Variants in DCHS2 observed in about 807,000 individuals in gnomAD.
The protein encoded by DCHS2 is protocadherin-23.
A neutral mutation model predicts 182.4 loss-of-function variants in DCHS2; 142 were observed. That is an observed-to-expected ratio of 0.78 (90% CI 0.68 to 0.89). DCHS2 has a LOEUF of 0.89. Ranked by LOEUF, DCHS2 falls within the 40% of genes least tolerant of loss-of-function variation. The pLI is 0.00. For synonymous variants in DCHS2, 1,740 were observed against 1,663.3 expected, an observed-to-expected ratio of 1.05 and a Z score of -1.12; for missense variants, 4,319 against 4,198.6, an observed-to-expected ratio of 1.03 and a Z score of -0.79.
At chr4:154,357,355 GAGC>G (rs1364730829) in intron 3 of DCHS2, 1 of 1,468,394 alleles carries the variant, frequency 6.8e-7, no homozygotes. Context: ...AGGCTGGTGG[GAGC>G]AGGGAAAAGC....
chr4:154,374,831 G>A (rs1167617984), intron 2 of DCHS2, among the ~76,000 whole-genome samples: 1 of 152,048 alleles, frequency 6.6e-6, no homozygotes, highest in Non-Finnish European at 1.5e-5. Context: ...AAATGTATAA[G>A]TGAAAAATAT....
chr4:154,459,374 G>A (rs957774489), intron 1 of DCHS2, among the ~76,000 whole-genome samples: 3 of 151,668 alleles, frequency 2.0e-5, no homozygotes, highest in South Asian at 2.1e-4. Flanking sequence ...GGAATTTTAC[G>A]TTTCATTAAA....
chr4:154,280,764 A>T (rs1734093064), intron 13 of DCHS2, among the ~76,000 whole-genome samples: 1 of 151,834 alleles, frequency 6.6e-6, no homozygotes, highest in African/African-American at 2.4e-5. Flanking sequence ...CTAACACAAC[A>T]CTCAACAGTG....
At chr4:154,428,006 G>A (rs17373494) in intron 1 of DCHS2, among the ~76,000 whole-genome samples, 43,954 of 152,012 alleles carry the variant, frequency 0.29, 7,917 homozygotes, top group East Asian at 0.68. Context: ...CTGGAGATGC[G>A]GTCTGGAGCC....
chr4:154,468,730 T>C (rs1735337310), intron 1 of DCHS2, among the ~76,000 whole-genome samples: 1 of 152,214 alleles, frequency 6.6e-6, no homozygotes, highest in Non-Finnish European at 1.5e-5. Context: ...TGATTCCTTC[T>C]CTGAATACCA....
At chr4:154,277,038 C>A (rs1485814857) in intron 13 of DCHS2, among the ~76,000 whole-genome samples, 1 of 152,104 alleles carries the variant, frequency 6.6e-6, no homozygotes, top group African/African-American at 2.4e-5. Flanking sequence ...CATCTTTATT[C>A]TTTTCTATGC....
chr4:154,469,001 C>T (rs1185541284), intron 1 of DCHS2, among the ~76,000 whole-genome samples: 1 of 152,062 alleles, frequency 6.6e-6, no homozygotes, highest in Non-Finnish European at 1.5e-5. Context: ...CATTTCACAA[C>T]TTACATATAT....
At chr4:154,385,607 C>T in intron 1 of DCHS2, among the ~76,000 whole-genome samples, 1 of 152,070 alleles carries the variant, frequency 6.6e-6, no homozygotes, top group East Asian at 1.9e-4. Context: ...CCTGACTTAG[C>T]CTCCCAAGTG....
chr4:154,281,872 C>T (rs1734164730), intron 13 of DCHS2, among the ~76,000 whole-genome samples: 1 of 152,018 alleles, frequency 6.6e-6, no homozygotes, highest in Admixed American at 6.6e-5. Context: ...AGAAATAAAC[C>T]CACATGTATA....
At chr4:154,465,783 G>A (rs773707085) in intron 1 of DCHS2, among the ~76,000 whole-genome samples, 2 of 152,132 alleles carry the variant, frequency 1.3e-5, no homozygotes, top group Non-Finnish European at 2.9e-5. Context: ...GATGTCGTTG[G>A]GGGCTATCTT....
chr4:154,421,098 G>A (rs946645393), intron 1 of DCHS2, among the ~76,000 whole-genome samples: 1 of 152,114 alleles, frequency 6.6e-6, no homozygotes, highest in Non-Finnish European at 1.5e-5. Flanking sequence ...GCTATGATAG[G>A]TATTATCTAG....
chr4:154,425,077 G>A (rs1292772949), intron 1 of DCHS2, among the ~76,000 whole-genome samples: 1 of 152,230 alleles, frequency 6.6e-6, no homozygotes. Context: ...TCGCTGGGCT[G>A]AGGGATCACG....
At chr4:154,267,136 C>T (rs1416421652) in intron 14 of DCHS2, among the ~76,000 whole-genome samples, 1 of 152,216 alleles carries the variant, frequency 6.6e-6, no homozygotes, top group African/African-American at 2.4e-5. Context: ...ATGAATGTTA[C>T]TGCGACAGCA....
intron 9 of DCHS2, among the ~76,000 whole-genome samples, chr4:154,317,645 G>A (rs1735910866): frequency 6.6e-6 from 1 of 150,498 alleles, no homozygotes; most frequent in Middle Eastern, 3.2e-3. Flanking sequence ...AATAAGATGA[G>A]AGTTTATTAA....
At chr4:154,237,349 C>A in intron 19 of DCHS2, 190 bp from the exon 20 acceptor site, 1 of 771,370 alleles carries the variant, frequency 1.3e-6, no homozygotes, top group Non-Finnish European at 1.9e-6. Context: ...ATGTAAGATA[C>A]AGAAATAATA....
At chr4:154,287,374 C>T (rs1205365717) in intron 13 of DCHS2, among the ~76,000 whole-genome samples, 1 of 152,014 alleles carries the variant, frequency 6.6e-6, no homozygotes, top group Non-Finnish European at 1.5e-5. Context: ...AACAATGAAC[C>T]AACCAAAAAT....
chr4:154,233,301 G>A lies in DCHS2; in HGVS notation c.*1235C>T, dbSNP rs1367442728. 2 of 152,082 alleles carry A rather than the reference G, an allele frequency of 1.3e-5. No individual in the cohort carries two copies. Among genetic ancestry groups the A allele is most frequent in the South Asian group, 4.1e-4 (2 of 4,824 alleles). 9.4% of individuals were successfully genotyped at this position (152,082 alleles called of 1,614,324 possible). ...GGATTCCCAGGCTTATCAGAAAGAA[G>A]GCTAGAGCATTGTATGTGAGCACCA... On this transcript the variant is annotated 3_prime_UTR_variant, in exon 20 of 20. Transcript: ENST00000357232.
At chr4:154,410,936 A>G (rs1465289150) in intron 1 of DCHS2, among the ~76,000 whole-genome samples, 1 of 152,238 alleles carries the variant, frequency 6.6e-6, no homozygotes, top group East Asian at 1.9e-4. Flanking sequence ...AATTTCCAGC[A>G]GTAACCTTGC....
chr4:154,334,709 A>G, intron 4 of DCHS2, 159 bp downstream of exon 4: 1 of 611,148 alleles, frequency 1.6e-6, no homozygotes, highest in Non-Finnish European at 2.9e-6. Flanking sequence ...GACAGAAACA[A>G]TGTTGGAAGA....
Sources: allele counts gnomAD v4.1 joint callset (sites outside exome capture counted in the v4.1 genomes callset), GRCh38; gene constraint gnomAD v4.1.1; transcripts MANE v1.5; gene names NCBI Gene and HGNC (gene_info 2026-07-23, HGNC 2026-07-21).